Variants in PRICKLE2 observed in about 807,000 individuals in gnomAD.
PRICKLE2 encodes prickle planar cell polarity protein 2, also known as prickle-like protein 2.
PRICKLE2 carries 21 observed loss-of-function variants against 81.4 expected under a neutral mutation model. The ratio of observed to expected loss-of-function variants is 0.26; its 90% CI spans 0.18 to 0.37. The LOEUF (loss-of-function observed/expected upper bound fraction) is 0.37, where lower values mean the gene tolerates loss of function less well. PRICKLE2 is among the 10% of genes least tolerant of loss of function. The pLI is 1.00. For synonymous variants in PRICKLE2, 456 were observed against 421.5 expected, an observed-to-expected ratio of 1.08 and a Z score of -1.00; for missense variants, 940 against 1,109.0, an observed-to-expected ratio of 0.85 and a Z score of 2.16.
At chr3:64,104,976 C>T (rs904829069) in intron 7 of PRICKLE2, among the ~76,000 whole-genome samples, 21 of 152,162 alleles carry the variant, frequency 1.4e-4, no homozygotes, top group Admixed American at 3.9e-4. Context: ...AGAATCCTTA[C>T]GCAGACCTTA....
At chr3:64,210,143 C>A (rs960019402) in intron 1 of PRICKLE2, among the ~76,000 whole-genome samples, 1 of 152,074 alleles carries the variant, frequency 6.6e-6, no homozygotes, top group Non-Finnish European at 1.5e-5. Flanking sequence ...GGGGACGGTG[C>A]CATTTTAGTG....
chr3:64,194,781 C>T (rs75487130), intron 2 of PRICKLE2, among the ~76,000 whole-genome samples: 5,671 of 152,214 alleles, frequency 0.037, 349 homozygotes, highest in African/African-American at 0.13. Context: ...TCAGACCAGG[C>T]GTGGTGGCCC....
At chr3:64,220,519 G>A (rs2078935345) in intron 1 of PRICKLE2, among the ~76,000 whole-genome samples, 1 of 152,148 alleles carries the variant, frequency 6.6e-6, no homozygotes, top group Non-Finnish European at 1.5e-5. Flanking sequence ...TGCCTTCAGT[G>A]CCCCAGGATA....
In PRICKLE2 at chr3:64,097,876, C is replaced by A. The variant is rs932045542; in HGVS notation, c.*1175G>T. ...TCCTTTAACTTCTACCCTTGACCTG[C>A]CTTCTGTTTTCAAATAGCCTTGTTC... is the stretch of plus-strand genomic sequence containing the variant. On this transcript the variant is annotated 3_prime_UTR_variant, in exon 8 of 8. Coordinates refer to ENST00000638394, the MANE Select transcript of PRICKLE2 (RefSeq NM_198859.4). The A allele has an allele frequency of 6.5e-6, 1 of 152,736 alleles. No homozygotes were observed. The highest frequency in any genetic ancestry group is 1.5e-5 in the Non-Finnish European group (1 of 68,118). The allele number at this position is 152,736 out of a possible 1,614,324, so 9.5% of individuals were successfully genotyped here. A position where few individuals can be genotyped will look rare whatever the true frequency, so the allele number is the denominator to read the frequency against.
chr3:64,221,666 A>G (rs1376039819), intron 1 of PRICKLE2, among the ~76,000 whole-genome samples: 2 of 152,150 alleles, frequency 1.3e-5, no homozygotes, highest in Admixed American at 6.5e-5. Context: ...GAATGAACAG[A>G]GAAAGGTTTC....
intron 2 of PRICKLE2, among the ~76,000 whole-genome samples, chr3:64,264,220 C>T (rs1042589162): frequency 6.6e-6 from 1 of 152,154 alleles, no homozygotes; most frequent in African/African-American, 2.4e-5. Flanking sequence ...GTTACCAAAC[C>T]TCTTTGAGCT....
rs112499761 is a variant in PRICKLE2 at position 64,098,892 on chromosome 3, A to G, written c.*159T>C. On this transcript the variant is annotated 3_prime_UTR_variant, in exon 8 of 8. Coordinates refer to ENST00000638394, the MANE Select transcript of PRICKLE2 (RefSeq NM_198859.4). Reference sequence around the variant, plus strand: ...AACATGCCAAGAACTGTGACTACCTATTGAGTCAACCTGTAACCTTGCCTC... The same window carrying G: ...AACATGCCAAGAACTGTGACTACCTGTTGAGTCAACCTGTAACCTTGCCTC... The G allele has an allele frequency of 2.6e-5, 20 of 757,712 alleles. No individual in the cohort carries two copies. In the East Asian group the frequency reaches 2.9e-4, roughly 11 times the overall value. The allele number at this position is 757,712 out of a possible 1,614,324, so 46.9% of individuals were successfully genotyped here.
intron 5 of PRICKLE2, chr3:64,153,575 T>C (rs2077579697): frequency 1.8e-6 from 1 of 570,546 alleles, no homozygotes; most frequent in South Asian, 2.0e-5. Flanking sequence ...TTAAACATGA[T>C]TTCTGGCCTA....
chr3:64,184,652 A>T (rs2078189981), intron 2 of PRICKLE2, among the ~76,000 whole-genome samples: 2 of 151,274 alleles, frequency 1.3e-5, no homozygotes, highest in Non-Finnish European at 1.5e-5. Context: ...AAAAAAAAAA[A>T]TTTGAGATGG....
chr3:64,121,374 ACAGAACCCCTTCTCTAC>A (rs1410638025), intron 7 of PRICKLE2, among the ~76,000 whole-genome samples: 1 of 152,150 alleles, frequency 6.6e-6, no homozygotes, highest in Non-Finnish European at 1.5e-5. Context: ...TACTTTGGAA[ACAGAACCCCTTCTCTAC>A]CCAGCCCCAC....
At chr3:64,240,275 T>G (rs756148117) in intron 2 of PRICKLE2, among the ~76,000 whole-genome samples, 1 of 152,176 alleles carries the variant, frequency 6.6e-6, no homozygotes, top group Non-Finnish European at 1.5e-5. Flanking sequence ...AGGAAAACAG[T>G]TGGAAGAACA....
intron 7 of PRICKLE2, among the ~76,000 whole-genome samples, chr3:64,123,701 G>T (rs540568085): frequency 6.6e-6 from 1 of 152,162 alleles, no homozygotes; most frequent in Non-Finnish European, 1.5e-5. Flanking sequence ...AGTAATCTTT[G>T]ATATTACTAT....
At chr3:64,208,214 G>A (rs926910353) in intron 1 of PRICKLE2, among the ~76,000 whole-genome samples, 6 of 152,148 alleles carry the variant, frequency 3.9e-5, no homozygotes, top group Non-Finnish European at 7.3e-5. Context: ...GGCATTCCCC[G>A]GTTGTGTTTC....
intron 2 of PRICKLE2, among the ~76,000 whole-genome samples, chr3:64,239,444 C>T (rs1263553424): frequency 6.6e-6 from 1 of 152,192 alleles, no homozygotes; most frequent in East Asian, 1.9e-4. Flanking sequence ...GAGATAGCTG[C>T]CCAGGGAACA....
At chr3:64,243,631 A>T (rs915227296) in intron 2 of PRICKLE2, among the ~76,000 whole-genome samples, 8 of 152,236 alleles carry the variant, frequency 5.3e-5, no homozygotes, top group African/African-American at 1.9e-4. Flanking sequence ...AAATGGGGAC[A>T]GATAATAGTA....
At chr3:64,158,534 T>C (rs2077676062) in intron 4 of PRICKLE2, among the ~76,000 whole-genome samples, 1 of 152,218 alleles carries the variant, frequency 6.6e-6, no homozygotes, top group African/African-American at 2.4e-5. Flanking sequence ...GTCAAACTTA[T>C]GAAAGCTCTT....
At chr3:64,232,945 C>T (rs907286658) in intron 2 of PRICKLE2, among the ~76,000 whole-genome samples, 1 of 152,168 alleles carries the variant, frequency 6.6e-6, no homozygotes, top group Non-Finnish European at 1.5e-5. Flanking sequence ...GTTTGCTTCA[C>T]GTTTTTGCAA....
At chr3:64,200,969 G>A (rs1315501908) in intron 1 of PRICKLE2, 8 of 142,470 alleles carry the variant, frequency 5.6e-5, no homozygotes, top group African/African-American at 8.1e-5. Flanking sequence ...TTGCTCTGTC[G>A]CCCAGACTGG....
intron 2 of PRICKLE2, among the ~76,000 whole-genome samples, chr3:64,253,354 T>G (rs1021159748): frequency 1.3e-5 from 2 of 152,182 alleles, no homozygotes; most frequent in African/African-American, 4.8e-5. Context: ...CCTGAGTTCT[T>G]GTTCAAAAGT....
Sources: allele counts gnomAD v4.1 joint callset (sites outside exome capture counted in the v4.1 genomes callset), GRCh38; gene constraint gnomAD v4.1.1; transcripts MANE v1.5; gene names NCBI Gene and HGNC (gene_info 2026-07-23, HGNC 2026-07-21).